Variants in CD44 observed in about 807,000 individuals in gnomAD.
CD44 encodes CD44 antigen.
In CD44, 49 loss-of-function variants were observed where a neutral mutation model predicts 88.8. The ratio of observed to expected loss-of-function variants is 0.55; its 90% CI spans 0.44 to 0.70. CD44 has a LOEUF of 0.70. CD44 is among the 30% of genes least tolerant of loss of function. CD44 has a pLI of 0.00. For missense variants in CD44, 883 were observed against 913.8 expected (o/e 0.97, Z 0.43); for synonymous variants, 325 against 312.3 (o/e 1.04, Z -0.43).
At chr11:35,201,649 T>C in intron 8 of CD44, 22 bp from the exon 9 acceptor site, 3 of 1,613,124 alleles carry the variant, frequency 1.9e-6, no homozygotes, top group Non-Finnish European at 2.5e-6. Context: ...AGTCACAGTG[T>C]ATTTAACCAT....
At chr11:35,204,084 T>C (rs1044292885) in intron 9 of CD44, among the ~76,000 whole-genome samples, 12 of 152,220 alleles carry the variant, frequency 7.9e-5, no homozygotes, top group Non-Finnish European at 1.8e-4. Context: ...TGAGAAGGTC[T>C]CCTAATGTGC....
intron 3 of CD44, among the ~76,000 whole-genome samples, chr11:35,182,009 G>GTATATATAAATATATACATATT (rs1565081892): frequency 9.1e-6 from 1 of 110,282 alleles, no homozygotes; most frequent in South Asian, 2.4e-4. Flanking sequence ...TTATATATAT[G>GTATATATAAATATATACATATT]TATATATGTA....
chr11:35,158,239 A>G (rs1481435647), intron 1 of CD44, among the ~76,000 whole-genome samples: 2 of 152,298 alleles, frequency 1.3e-5, no homozygotes, highest in South Asian at 2.1e-4. Context: ...CAGCTTTCCT[A>G]TCTTCTTCCA....
chr11:35,167,429 C>A (rs1943417873), intron 1 of CD44, among the ~76,000 whole-genome samples: 1 of 152,184 alleles, frequency 6.6e-6, no homozygotes, highest in African/African-American at 2.4e-5. Context: ...ATCCAATTAA[C>A]AATAATGCTT....
At chr11:35,214,991 A>G in intron 15 of CD44, 77 bp downstream of exon 15, 1 of 856,540 alleles carries the variant, frequency 1.2e-6, no homozygotes, top group Non-Finnish European at 1.7e-6. Context: ...AGTATGAGTC[A>G]GTGTCTCCAG....
chr11:35,161,340 C>T (rs1590967533), intron 1 of CD44, among the ~76,000 whole-genome samples: 2 of 152,102 alleles, frequency 1.3e-5, no homozygotes, highest in Non-Finnish European at 2.9e-5. Context: ...GCATAACATC[C>T]CACAAGAGCT....
intron 5 of CD44, among the ~76,000 whole-genome samples, chr11:35,194,392 CACTAAGT>C (rs1400678968): frequency 6.6e-5 from 10 of 152,290 alleles, no homozygotes; most frequent in Middle Eastern, 6.8e-3. Flanking sequence ...GAGGGAATAT[CACTAAGT>C]GATACTTTCA....
chr11:35,204,875 C>A, intron 10 of CD44: 1 of 429,480 alleles, frequency 2.3e-6, no homozygotes, highest in South Asian at 2.6e-5. Context: ...AGAGAAAATG[C>A]CCTTGAACAT....
intron 15 of CD44, 87 bp from the exon 16 acceptor site, chr11:35,219,229 T>G: frequency 2.1e-6 from 2 of 937,380 alleles, no homozygotes; most frequent in South Asian, 2.6e-5. Context: ...ATTCAGAATG[T>G]GGAGAGCTGC....
At chr11:35,193,095 G>A (rs1946429431) in intron 5 of CD44, among the ~76,000 whole-genome samples, 1 of 152,044 alleles carries the variant, frequency 6.6e-6, no homozygotes. Context: ...GGCTTCATGG[G>A]TAAAATTGGC....
intron 1 of CD44, among the ~76,000 whole-genome samples, chr11:35,151,945 C>T (rs772335810): frequency 1.3e-5 from 2 of 152,188 alleles, no homozygotes; most frequent in Non-Finnish European, 2.9e-5. Flanking sequence ...GACTTCCTGG[C>T]AAAGGGTCCC....
chr11:35,144,773 T>C (rs1437223122), intron 1 of CD44, among the ~76,000 whole-genome samples: 3 of 152,260 alleles, frequency 2.0e-5, no homozygotes, highest in Non-Finnish European at 4.4e-5. Flanking sequence ...AATGTTTATA[T>C]ATTTTTCCAC....
intron 1 of CD44, among the ~76,000 whole-genome samples, chr11:35,162,390 A>G: frequency 6.6e-6 from 1 of 152,360 alleles, no homozygotes; most frequent in Non-Finnish European, 1.5e-5. Flanking sequence ...TTCTTTGACA[A>G]CTGCACACAA....
intron 17 of CD44, among the ~76,000 whole-genome samples, chr11:35,227,788 A>G (rs2134458790): frequency 6.6e-6 from 1 of 152,336 alleles, no homozygotes; most frequent in Admixed American, 6.5e-5. Flanking sequence ...TACTGTTTCC[A>G]AATCTCCAGA....
At chr11:35,151,752 C>G (rs148070554) in intron 1 of CD44, among the ~76,000 whole-genome samples, 4 of 152,280 alleles carry the variant, frequency 2.6e-5, no homozygotes, top group Non-Finnish European at 5.9e-5. Context: ...TAGAATCTGT[C>G]CAGCTAGCCA....
intron 11 of CD44, among the ~76,000 whole-genome samples, chr11:35,207,365 A>G (rs1401755491): frequency 6.6e-6 from 1 of 152,228 alleles, no homozygotes; most frequent in Non-Finnish European, 1.5e-5. Flanking sequence ...AGCCAGAAAT[A>G]TCGATGGGGT....
intron 14 of CD44, chr11:35,212,839 T>G (rs537877661): frequency 6.6e-6 from 1 of 152,288 alleles, no homozygotes; most frequent in South Asian, 2.1e-4. Flanking sequence ...TTAATTTTTT[T>G]TTTTTAAAGA....
intron 1 of CD44, among the ~76,000 whole-genome samples, chr11:35,166,848 T>G (rs564056261): frequency 1.3e-5 from 2 of 152,392 alleles, no homozygotes; most frequent in Admixed American, 6.5e-5. Flanking sequence ...CGGGAGAGAC[T>G]GAGTCACTCA....
chr11:35,227,941 G>A (rs1248658630), intron 17 of CD44, among the ~76,000 whole-genome samples: 1 of 152,192 alleles, frequency 6.6e-6, no homozygotes, highest in Non-Finnish European at 1.5e-5. Context: ...TTCCATTGCT[G>A]TATTATGGGA....
Sources: gnomAD v4.1 joint callset for allele counts (sites outside exome capture counted in the v4.1 genomes callset) on GRCh38, gnomAD v4.1.1 for gene constraint, MANE v1.5 for transcripts, NCBI Gene and HGNC (gene_info 2026-07-23, HGNC 2026-07-21) for gene names.